MAP6: variants seen among roughly 807,000 people sequenced by gnomAD.
MAP6 encodes the protein microtubule-associated protein 6.
Under a neutral mutation model 42.4 loss-of-function variants are expected in MAP6, and 26 were observed. The ratio of observed to expected loss-of-function variants is 0.61; its 90% CI spans 0.45 to 0.85. MAP6 has a LOEUF of 0.85. MAP6 is among the 40% of genes least tolerant of loss of function. MAP6 has a pLI of 0.00. For synonymous variants in MAP6, 418 were observed against 443.8 expected (o/e 0.94, Z 0.73); for missense variants, 966 against 1,099.0 (o/e 0.88, Z 1.71).
chr11:75,631,877 C>A (rs1174629733), intron 1 of MAP6, among the ~76,000 whole-genome samples: 1 of 152,204 alleles, frequency 6.6e-6, no homozygotes, highest in East Asian at 1.9e-4. Context: ...CCAGCAAATA[C>A]CACCTGTGAA....
At position 75,668,504 on chromosome 11, in the gene MAP6, G is replaced by A; in HGVS notation, c.-135C>T. 1.5e-6 allele frequency: 2 copies of A among 1,304,876 alleles called. No homozygotes were observed. The highest frequency in any genetic ancestry group is 2.0e-6 in the Non-Finnish European group (2 of 1,008,126). The allele number at this position is 1,304,876 out of a possible 1,614,324, so 80.8% of individuals were successfully genotyped here. A position where few individuals can be genotyped will look rare whatever the true frequency, so the allele number is the denominator to read the frequency against. On this transcript the variant is annotated 5_prime_UTR_variant, in exon 1 of 4. Transcript: ENST00000304771. ...TTCTACCCCCGATCAGCCGGAGCTA[G>A]TTCGCCCTCCTCCCTCAGCGAGCAC...
At chr11:75,630,041 G>A (rs1943261497) in intron 1 of MAP6, among the ~76,000 whole-genome samples, 1 of 152,208 alleles carries the variant, frequency 6.6e-6, no homozygotes, top group Non-Finnish European at 1.5e-5. Context: ...TTTCAAATCT[G>A]TGTTCATATG....
intron 3 of MAP6, chr11:75,594,253 GCACCACAGGGC>G (rs1481599400): frequency 5.4e-4 from 82 of 152,346 alleles, no homozygotes; most frequent in African/African-American, 1.7e-3. Context: ...CAGGCCAACG[GCACCACAGGGC>G]CCCTGGCAGA....
At chr11:75,590,257 G>A (rs1404245514) in intron 3 of MAP6, among the ~76,000 whole-genome samples, 1 of 152,200 alleles carries the variant, frequency 6.6e-6, no homozygotes, top group East Asian at 1.9e-4. Flanking sequence ...CTCTTAGATT[G>A]TGAAGCGACC....
chr11:75,610,832 C>T (rs550858405), intron 1 of MAP6, among the ~76,000 whole-genome samples: 17 of 152,166 alleles, frequency 1.1e-4, no homozygotes, highest in Admixed American at 4.6e-4. Context: ...TCTGGGGAGA[C>T]TCCAGGACTC....
chr11:75,590,423 G>A (rs1942456791), intron 3 of MAP6, among the ~76,000 whole-genome samples: 1 of 152,130 alleles, frequency 6.6e-6, no homozygotes, highest in African/African-American at 2.4e-5. Flanking sequence ...CACAAAGAAG[G>A]CCAGCCCTGC....
At chr11:75,646,869 T>A (rs1943562619) in intron 1 of MAP6, among the ~76,000 whole-genome samples, 1 of 152,136 alleles carries the variant, frequency 6.6e-6, no homozygotes, top group African/African-American at 2.4e-5. Context: ...GCATTGGGTA[T>A]AAAAATTGTA....
chr11:75,610,373 G>T (rs968678698), intron 1 of MAP6, among the ~76,000 whole-genome samples: 1 of 152,158 alleles, frequency 6.6e-6, no homozygotes, highest in Admixed American at 6.5e-5. Flanking sequence ...CATTCATTCA[G>T]TCATTCATTC....
intron 1 of MAP6, among the ~76,000 whole-genome samples, chr11:75,651,975 A>T (rs889421718): frequency 2.0e-5 from 3 of 152,222 alleles, no homozygotes; most frequent in Non-Finnish European, 4.4e-5. Flanking sequence ...AGGTTTTTGT[A>T]GATGAATGTT....
At chr11:75,656,490 A>AGAGGTTGGAGGTTGAGACCACAGTGAG in intron 1 of MAP6, among the ~76,000 whole-genome samples, 1 of 152,342 alleles carries the variant, frequency 6.6e-6, no homozygotes, top group South Asian at 2.1e-4. Context: ...CAGCAGCACC[A>AGAGGTTGGAGGTTGAGACCACAGTGAG]GAGGTTGGAG....
chr11:75,606,692 A>G (rs1942784742), intron 2 of MAP6, among the ~76,000 whole-genome samples: 1 of 152,162 alleles, frequency 6.6e-6, no homozygotes, highest in African/African-American at 2.4e-5. Flanking sequence ...GCAGGGGGGC[A>G]TCTCCAGTCT....
intron 1 of MAP6, among the ~76,000 whole-genome samples, chr11:75,666,607 C>T (rs1045325108): frequency 7.9e-5 from 12 of 152,208 alleles, no homozygotes; most frequent in Admixed American, 6.5e-4. Context: ...CCAAGATGTA[C>T]TAATTACCAC....
chr11:75,599,004 G>C (rs1463035479), intron 3 of MAP6: 2 of 152,428 alleles, frequency 1.3e-5, no homozygotes, highest in Non-Finnish European at 2.9e-5. Context: ...GACAGCAAGG[G>C]TAAAGGCATG....
intron 1 of MAP6, among the ~76,000 whole-genome samples, chr11:75,621,585 C>G (rs1943112383): frequency 6.6e-6 from 1 of 152,038 alleles, no homozygotes; most frequent in African/African-American, 2.4e-5. Context: ...AGACACAAAG[C>G]TGTCATTATT....
chr11:75,649,530 G>GATTTATTT (rs565109126), intron 1 of MAP6, among the ~76,000 whole-genome samples: 1 of 151,946 alleles, frequency 6.6e-6, no homozygotes, highest in Admixed American at 6.6e-5. Context: ...AAGAAAATAT[G>GATTTATTT]ATTTATTTAT....
At chr11:75,604,518 T>C in intron 3 of MAP6, 1 of 985,336 alleles carries the variant, frequency 1.0e-6, no homozygotes. Flanking sequence ...AGATACAGAG[T>C]GTGCTGAGCA....
rs189402323 is a variant in MAP6, at chr11:75,592,094, C to T, written c.1317-3910G>A. 7.5e-4 allele frequency among the ~76,000 whole-genome samples: 114 copies of T among 152,342 alleles called. 1 individual carries two copies. The highest frequency in any genetic ancestry group is 2.5e-3 in the African/African-American group (106 of 41,574). ...CATGCTGTTTTGCACACTGCCAGCC[C>T]GGGCTGTCTGTTTCTGCTTCACCCA... On this transcript the variant is annotated intron_variant, in intron 3 of 3. Coordinates refer to ENST00000304771, the MANE Select transcript of MAP6 (RefSeq NM_033063.2).
At chr11:75,655,821 T>G (rs1170892476) in intron 1 of MAP6, among the ~76,000 whole-genome samples, 2 of 152,218 alleles carry the variant, frequency 1.3e-5, no homozygotes, top group Non-Finnish European at 2.9e-5. Context: ...AAGACACAGC[T>G]GTGGCTGGAA....
intron 3 of MAP6, among the ~76,000 whole-genome samples, chr11:75,591,848 G>A (rs935393677): frequency 3.3e-5 from 5 of 152,304 alleles, no homozygotes; most frequent in African/African-American, 1.2e-4. Flanking sequence ...TGGGGATAAC[G>A]ATATAAATGT....
Sources: gnomAD v4.1 joint callset for allele counts (sites outside exome capture counted in the v4.1 genomes callset) on GRCh38, gnomAD v4.1.1 for gene constraint, MANE v1.5 for transcripts, NCBI Gene and HGNC (gene_info 2026-07-23, HGNC 2026-07-21) for gene names.